TTC28: variants seen among roughly 807,000 people sequenced by gnomAD.
TTC28 encodes tetratricopeptide repeat protein 28.
Under a neutral mutation model 198.0 loss-of-function variants are expected in TTC28, and 61 were observed. That is an observed-to-expected ratio of 0.31 (90% CI 0.25 to 0.38). The LOEUF (loss-of-function observed/expected upper bound fraction) is 0.38. TTC28 is among the 10% of genes least tolerant of loss of function. The pLI is 1.00. For missense variants in TTC28, 2,678 were observed against 3,164.0 expected (o/e 0.85, Z 3.69); for synonymous variants, 1,171 against 1,297.8 (o/e 0.90, Z 2.10).
chr22:28,126,220 G>T (rs1351797559), intron 6 of TTC28, among the ~76,000 whole-genome samples: 1 of 152,026 alleles, frequency 6.6e-6, no homozygotes, highest in Non-Finnish European at 1.5e-5. Flanking sequence ...TAAAATAATC[G>T]AACCACAGAA....
intron 2 of TTC28, among the ~76,000 whole-genome samples, chr22:28,382,311 C>G (rs913952900): frequency 2.0e-5 from 3 of 152,014 alleles, no homozygotes; most frequent in African/African-American, 7.2e-5. Flanking sequence ...ACAACTATAC[C>G]AAGAGCATTT....
chr22:28,271,696 C>T (rs2145707797), intron 5 of TTC28, among the ~76,000 whole-genome samples: 1 of 152,244 alleles, frequency 6.6e-6, no homozygotes, highest in East Asian at 1.9e-4. Context: ...CCTCTGCCTC[C>T]TGGGTTCAAA....
intron 9 of TTC28, 99 bp from the exon 10 acceptor site, chr22:28,099,143 C>A: frequency 6.9e-7 from 1 of 1,444,874 alleles, no homozygotes; most frequent in Non-Finnish European, 9.3e-7. Flanking sequence ...TGTGCACAAC[C>A]TAAATATTTT....
chr22:28,367,791 A>T (rs1460197205), intron 2 of TTC28, among the ~76,000 whole-genome samples: 1 of 152,056 alleles, frequency 6.6e-6, no homozygotes, highest in African/African-American at 2.4e-5. Context: ...GAACAACTAT[A>T]TGCCAATAAA....
At chr22:28,176,183 T>C (rs1923150569) in intron 5 of TTC28, among the ~76,000 whole-genome samples, 1 of 152,082 alleles carries the variant, frequency 6.6e-6, no homozygotes, top group Non-Finnish European at 1.5e-5. Context: ...AAGGGATGAA[T>C]GGATAAAGAA....
intron 2 of TTC28, among the ~76,000 whole-genome samples, chr22:28,615,232 A>G (rs1352775005): frequency 6.6e-6 from 1 of 152,218 alleles, no homozygotes; most frequent in Non-Finnish European, 1.5e-5. Context: ...GAGAAATGCA[A>G]ATCAAAACCA....
intron 5 of TTC28, among the ~76,000 whole-genome samples, chr22:28,283,907 CA>C (rs567796771): frequency 1.3e-5 from 2 of 152,110 alleles, no homozygotes; most frequent in Non-Finnish European, 2.9e-5. Flanking sequence ...AAAGTAACTG[CA>C]GAAATGACCA....
chr22:28,392,688 G>A (rs377566331), intron 2 of TTC28, among the ~76,000 whole-genome samples: 7 of 152,126 alleles, frequency 4.6e-5, no homozygotes, highest in South Asian at 2.1e-4. Flanking sequence ...GCAATGCCTC[G>A]CCCTGCTTCG....
intron 12 of TTC28, among the ~76,000 whole-genome samples, chr22:28,047,563 A>G (rs1939917513): frequency 6.6e-6 from 1 of 152,024 alleles, no homozygotes; most frequent in African/African-American, 2.4e-5. Context: ...GCAAGGTTCC[A>G]CTCTACCCAT....
chr22:28,385,978 A>G (rs989886275), intron 2 of TTC28, among the ~76,000 whole-genome samples: 1 of 152,128 alleles, frequency 6.6e-6, no homozygotes, highest in Non-Finnish European at 1.5e-5. Flanking sequence ...CCCATTTTCT[A>G]TAAGAAGGCT....
chr22:28,410,935 T>G (rs1381832688), intron 2 of TTC28, among the ~76,000 whole-genome samples: 2 of 152,200 alleles, frequency 1.3e-5, no homozygotes, highest in Non-Finnish European at 2.9e-5. Flanking sequence ...TCATTAATAA[T>G]TCTTACCTTG....
intron 2 of TTC28, among the ~76,000 whole-genome samples, chr22:28,470,401 C>G (rs1345010955): frequency 2.0e-5 from 3 of 152,024 alleles, no homozygotes; most frequent in South Asian, 2.1e-4. Context: ...TTAAGCCCAC[C>G]AGAGTCTTAG....
chr22:28,657,660 CTT>C (rs1367819212), intron 1 of TTC28, among the ~76,000 whole-genome samples: 1 of 152,210 alleles, frequency 6.6e-6, no homozygotes, highest in Admixed American at 6.5e-5. Context: ...GGGCAAATCA[CTT>C]GAGGTCAGGA....
chr22:28,419,633 G>A (rs2047218611), intron 2 of TTC28, among the ~76,000 whole-genome samples: 1 of 152,128 alleles, frequency 6.6e-6, no homozygotes, highest in Admixed American at 6.5e-5. Context: ...ATCTAAATAA[G>A]AAAACAAACA....
chr22:28,048,945 T>C (rs2146698147), intron 12 of TTC28, among the ~76,000 whole-genome samples: 1 of 152,238 alleles, frequency 6.6e-6, no homozygotes, highest in South Asian at 2.1e-4. Context: ...CCTGAACACC[T>C]GTGGCCAAAA....
At chr22:28,211,695 C>A (rs1349933302) in intron 5 of TTC28, among the ~76,000 whole-genome samples, 5 of 152,040 alleles carry the variant, frequency 3.3e-5, no homozygotes, top group South Asian at 2.1e-4. Context: ...GACTTTAACA[C>A]CCCACTGTCA....
intron 2 of TTC28, among the ~76,000 whole-genome samples, chr22:28,481,754 C>T (rs1307677035): frequency 6.6e-6 from 1 of 152,138 alleles, no homozygotes; most frequent in Non-Finnish European, 1.5e-5. Context: ...CTTCATTCCT[C>T]TAGGAAGAAA....
At chr22:28,145,987 GA>G (rs1333422595) in intron 6 of TTC28, among the ~76,000 whole-genome samples, 4 of 152,194 alleles carry the variant, frequency 2.6e-5, no homozygotes, top group African/African-American at 4.8e-5. Context: ...CAGGAAGCCA[GA>G]AAGCGGCATA....
chr22:27,983,553 C>T lies in TTC28; in HGVS notation c.6114G>A (p.Arg2038=), dbSNP rs1287069980. The T allele has an allele frequency of 6.4e-7, 1 of 1,551,294 alleles. No homozygotes were observed. The highest frequency in any genetic ancestry group is 1.4e-5 in the African/African-American group (1 of 73,104). ...NAYLQRSTLP[R]SQLPPQTRPA... Reference sequence around the variant, plus strand: ...GGCGGGTCTGGGGAGGCAGCTGGCTCCTAGGCAGGGTGGATCTCTGCAGGT... The same window carrying T: ...GGCGGGTCTGGGGAGGCAGCTGGCTTCTAGGCAGGGTGGATCTCTGCAGGT... Residue 2038 remains arginine (R), a synonymous_variant, in exon 23 of 23, where the codon AGG becomes AGA. Transcript: ENST00000397906.
Sources: allele counts gnomAD v4.1 joint callset (sites outside exome capture counted in the v4.1 genomes callset), GRCh38; gene constraint gnomAD v4.1.1; transcripts MANE v1.5; gene names NCBI Gene and HGNC (gene_info 2026-07-23, HGNC 2026-07-21).